The following LDAH variants were observed in gnomAD, a reference collection of about 807,000 sequenced individuals.
The protein encoded by LDAH is lipid droplet associated hydrolase.
In LDAH, 26 loss-of-function variants were observed where a neutral mutation model predicts 29.6. The observed-to-expected ratio is 0.88, with a 90% CI of 0.64 to 1.22. The LOEUF (loss-of-function observed/expected upper bound fraction) is 1.22, where lower values mean the gene tolerates loss of function less well. LDAH is among the 50% of genes most tolerant of loss of function. The pLI, the probability that LDAH is intolerant of heterozygous loss-of-function variation, is 0.00. For missense variants in LDAH, 344 were observed against 387.3 expected, an observed-to-expected ratio of 0.89 and a Z score of 0.94; for synonymous variants, 117 against 133.0, an observed-to-expected ratio of 0.88 and a Z score of 0.83.
intron 5 of LDAH, among the ~76,000 whole-genome samples, chr2:20,719,188 G>A (rs1665460943): frequency 8.3e-6 from 1 of 120,658 alleles, no homozygotes; most frequent in African/African-American, 2.9e-5. Context: ...ATAAAATGGA[G>A]ACTAAAAAAC....
intron 1 of LDAH, among the ~76,000 whole-genome samples, chr2:20,821,162 T>C (rs1173816084): frequency 3.9e-5 from 6 of 152,222 alleles, no homozygotes; most frequent in African/African-American, 1.2e-4. Context: ...TTTTACACTG[T>C]TGGTGGGACT....
At chr2:20,805,159 T>C (rs472692) in intron 1 of LDAH, among the ~76,000 whole-genome samples, 22,977 of 152,142 alleles carry the variant, frequency 0.15, 4,271 homozygotes, top group African/African-American at 0.44. Context: ...TAAATGACAT[T>C]GTGGGAGCTT....
chr2:20,767,001 C>T (rs1170040692), intron 4 of LDAH, among the ~76,000 whole-genome samples: 1 of 152,234 alleles, frequency 6.6e-6, no homozygotes, highest in Non-Finnish European at 1.5e-5. Context: ...ACGGCCAGAC[C>T]AGGGCCTGCA....
intron 5 of LDAH, among the ~76,000 whole-genome samples, chr2:20,733,956 T>C (rs1666602698): frequency 6.6e-6 from 1 of 152,268 alleles, no homozygotes; most frequent in African/African-American, 2.4e-5. Flanking sequence ...ATTCTGTTGC[T>C]GATTTCTAGT....
chr2:20,775,622 G>C (rs1669762554), intron 3 of LDAH, among the ~76,000 whole-genome samples: 1 of 152,274 alleles, frequency 6.6e-6, no homozygotes, highest in Admixed American at 6.5e-5. Flanking sequence ...GAAAAACTTA[G>C]GTAGAAATGT....
chr2:20,805,726 T>G (rs2125121992), intron 1 of LDAH, among the ~76,000 whole-genome samples: 1 of 152,164 alleles, frequency 6.6e-6, no homozygotes, highest in South Asian at 2.1e-4. Context: ...AGTAAGAGGG[T>G]TTTTTCCAAT....
chr2:20,818,570 CT>C (rs139009602), intron 1 of LDAH, among the ~76,000 whole-genome samples: 6,620 of 146,216 alleles, frequency 0.045, 173 homozygotes, highest in African/African-American at 0.07. Context: ...AAAACTACTG[CT>C]TTTTTTTTTT....
chr2:20,760,845 CA>C (rs1352435458), intron 4 of LDAH, among the ~76,000 whole-genome samples: 2 of 152,116 alleles, frequency 1.3e-5, no homozygotes, highest in Admixed American at 6.5e-5. Context: ...TGGTTAGATG[CA>C]AGTCATCAGT....
At chr2:20,779,992 C>T (rs1310694750) in intron 3 of LDAH, among the ~76,000 whole-genome samples, 2 of 152,102 alleles carry the variant, frequency 1.3e-5, no homozygotes, top group African/African-American at 4.8e-5. Context: ...CCTACTTCAT[C>T]GATCCATAAG....
intron 4 of LDAH, among the ~76,000 whole-genome samples, chr2:20,759,763 C>G (rs944373088): frequency 1.3e-5 from 2 of 152,166 alleles, no homozygotes; most frequent in Admixed American, 6.6e-5. Flanking sequence ...TCCACTGAGG[C>G]TCTATGAATG....
At chr2:20,707,508 T>C (rs1327629592) in intron 5 of LDAH, among the ~76,000 whole-genome samples, 3 of 152,090 alleles carry the variant, frequency 2.0e-5, no homozygotes, top group Admixed American at 1.3e-4. Context: ...ATAGAGGTGA[T>C]AGTTTGGGGA....
At chr2:20,701,496 A>G (rs1441167315) in intron 6 of LDAH, 74 bp downstream of exon 6, 2 of 1,168,472 alleles carry the variant, frequency 1.7e-6, no homozygotes, top group East Asian at 2.3e-5. Context: ...GATTCTAACT[A>G]GTTCTAGTCC....
At chr2:20,821,279 G>A (rs573554960) in intron 1 of LDAH, among the ~76,000 whole-genome samples, 12 of 152,302 alleles carry the variant, frequency 7.9e-5, no homozygotes, top group African/African-American at 2.9e-4. Flanking sequence ...TATACCCAAA[G>A]GAATATAAAT....
intron 5 of LDAH, among the ~76,000 whole-genome samples, chr2:20,710,900 T>A (rs1017201234): frequency 1.3e-5 from 2 of 151,782 alleles, no homozygotes; most frequent in East Asian, 3.9e-4. Flanking sequence ...CTATGATAGG[T>A]CATGTTATCT....
chr2:20,712,715 C>A (rs1220140602), intron 5 of LDAH, among the ~76,000 whole-genome samples: 1 of 152,118 alleles, frequency 6.6e-6, no homozygotes, highest in Non-Finnish European at 1.5e-5. Context: ...AGCTGAAAAC[C>A]ATGGCACAAG....
chr2:20,789,291 A>G (rs1357860946), intron 3 of LDAH: 13 of 1,549,834 alleles, frequency 8.4e-6, no homozygotes, highest in Middle Eastern at 1.7e-4. Context: ...CGAGAGTCCC[A>G]AGAGGGCTTG....
rs149483084 is a variant in LDAH, at chr2:20,709,221, G to A, written c.704-7569C>T. 6.1e-3 allele frequency among the ~76,000 whole-genome samples: 931 copies of A among 152,208 alleles called. 5 individuals are homozygous for A. The highest frequency in any genetic ancestry group is 0.037 in the Middle Eastern group (11 of 294). On this transcript the variant is annotated intron_variant, in intron 5 of 6. Coordinates refer to ENST00000237822, the MANE Select transcript of LDAH (RefSeq NM_021925.4). ...TTGTGCAGTTACCTTCAGGCTATGTGTATGAGGTGTATATAAAATATAAGT... is the reference window on the plus strand; with the variant it reads ...TTGTGCAGTTACCTTCAGGCTATGTATATGAGGTGTATATAAAATATAAGT...
chr2:20,727,301 CAT>C (rs1666087504), intron 5 of LDAH, among the ~76,000 whole-genome samples: 1 of 152,168 alleles, frequency 6.6e-6, no homozygotes, highest in Non-Finnish European at 1.5e-5. Context: ...GGTAAGGTAA[CAT>C]GAGAGTCTGG....
At chr2:20,692,056 A>G (rs1021122141) in intron 6 of LDAH, among the ~76,000 whole-genome samples, 3 of 152,168 alleles carry the variant, frequency 2.0e-5, no homozygotes, top group African/African-American at 7.2e-5. Flanking sequence ...TTGGACAGTG[A>G]ATTGCTGAAG....
Sources: allele counts gnomAD v4.1 joint callset (sites outside exome capture counted in the v4.1 genomes callset), GRCh38; gene constraint gnomAD v4.1.1; transcripts MANE v1.5; gene names NCBI Gene and HGNC (gene_info 2026-07-23, HGNC 2026-07-21).